The following HSD17B3 variants were observed in gnomAD, a reference collection of about 807,000 sequenced individuals.
HSD17B3 encodes hydroxysteroid 17-beta dehydrogenase 3.
In HSD17B3, 29 loss-of-function variants were observed where a neutral mutation model predicts 41.1. The observed-to-expected ratio is 0.71, with a 90% confidence interval of 0.53 to 0.96. The LOEUF (loss-of-function observed/expected upper bound fraction) is 0.96. Among genes scored for constraint, HSD17B3 ranks in the 40% least tolerant of loss-of-function variants. The probability of loss-of-function intolerance (pLI) is 0.00; values close to 1 mark genes in which losing one functional copy is unlikely to be tolerated. For synonymous variants in HSD17B3, 126 were observed against 145.6 expected (o/e 0.87, Z 0.97); for missense variants, 323 against 374.6 (o/e 0.86, Z 1.14).
At chr9:96,267,123 C>G (rs1826068897) in intron 2 of HSD17B3, among the ~76,000 whole-genome samples, 2 of 151,456 alleles carry the variant, frequency 1.3e-5, no homozygotes, top group Non-Finnish European at 2.9e-5. Flanking sequence ...CGGGAAAGAG[C>G]AACTTAGTGG....
At chr9:96,298,807 T>A (rs941249217) in intron 1 of HSD17B3, among the ~76,000 whole-genome samples, 8 of 152,148 alleles carry the variant, frequency 5.3e-5, no homozygotes, top group Admixed American at 6.6e-5. Flanking sequence ...ATGCAGATAT[T>A]GTGAGCCTTC....
chr9:96,270,247 T>TAC (rs35263931), intron 2 of HSD17B3, among the ~76,000 whole-genome samples: 62,223 of 146,768 alleles, frequency 0.42, 13,071 homozygotes, highest in African/African-American at 0.48. Context: ...CCCAAACACA[T>TAC]ACACACACAC....
intron 2 of HSD17B3, among the ~76,000 whole-genome samples, chr9:96,281,513 T>C (rs534950244): frequency 5.5e-4 from 84 of 152,164 alleles, no homozygotes; most frequent in African/African-American, 2.0e-3. Flanking sequence ...AGGGTTAGAG[T>C]CCCTTCTAAT....
At chr9:96,257,102 G>A (rs1382034707) in intron 2 of HSD17B3, among the ~76,000 whole-genome samples, 1 of 152,070 alleles carries the variant, frequency 6.6e-6, no homozygotes, top group African/African-American at 2.4e-5. Flanking sequence ...CTCCGAAGCC[G>A]AGCAAATGCC....
At chr9:96,250,275 A>T in intron 5 of HSD17B3, 2 of 1,091,456 alleles carry the variant, frequency 1.8e-6, no homozygotes, top group Non-Finnish European at 2.2e-6. Flanking sequence ...AAACACAGAC[A>T]CACACAGGCA....
chr9:96,284,697 G>A (rs1389109683), intron 2 of HSD17B3, among the ~76,000 whole-genome samples: 1 of 152,132 alleles, frequency 6.6e-6, no homozygotes, highest in East Asian at 1.9e-4. Context: ...AACAGGTCCA[G>A]AAGCCCCAAG....
intron 9 of HSD17B3, 76 bp downstream of exon 9, chr9:96,244,253 A>G: frequency 1.4e-6 from 2 of 1,430,966 alleles, no homozygotes; most frequent in Non-Finnish European, 2.0e-6. Context: ...GGAGGTCCAG[A>G]GTAACCCTTC....
rs1441265884 is a variant in HSD17B3, at chr9:96,240,880, C to T, written c.700G>A (p.Ala234Thr). 6.2e-7 allele frequency: 1 copy of T among 1,614,060 alleles called. No individual in the cohort carries two copies. Among genetic ancestry groups the T allele is most frequent in the Admixed American group, 1.7e-5 (1 of 60,006 alleles). Residue 234 changes from alanine to threonine, a missense_variant, in exon 10 of 11, where the codon GCA becomes ACA. By Grantham distance (58) the Ala-to-Thr change is moderately conservative (BLOSUM62 0). Transcript: ENST00000375263. The stretch of plus-strand genomic sequence containing the variant: ...TTTGTATTTAGATACTTTGTCATTG[C>T]AGTCGAGACAGCATATGGGGTCAGC... ...QVLTPYAVSTAMTKYLNTNVI... is the reference protein window; with the variant it reads ...QVLTPYAVSTTMTKYLNTNVI...
intron 2 of HSD17B3, among the ~76,000 whole-genome samples, chr9:96,259,601 GCCCCA>G (rs1278908668): frequency 6.6e-6 from 1 of 152,024 alleles, no homozygotes; most frequent in Non-Finnish European, 1.5e-5. Context: ...CATGCCTGTA[GCCCCA>G]GCTACTCAGG....
At chr9:96,257,796 G>A (rs1480467123) in intron 2 of HSD17B3, among the ~76,000 whole-genome samples, 5 of 152,174 alleles carry the variant, frequency 3.3e-5, no homozygotes, top group Non-Finnish European at 7.4e-5. Flanking sequence ...ATAGGATTAT[G>A]TGGGACTACA....
rs541993169 is a variant in HSD17B3, at chr9:96,282,025, A to G, written c.201+16391T>C. 1.8e-4 allele frequency among the ~76,000 whole-genome samples: 27 copies of G among 152,210 alleles called. No individual in the cohort carries two copies. In the South Asian group the frequency reaches 5.6e-3, roughly 32 times the overall value. On this transcript the variant is annotated intron_variant, in intron 2 of 10. Transcript: ENST00000375263. ...TTTGGTGTGCTTTGTGTGTCTTTCT[A>G]TATTGTTCTGCCACAAAGAGGGGTA...
intron 2 of HSD17B3, among the ~76,000 whole-genome samples, chr9:96,280,429 A>G (rs565835669): frequency 6.6e-6 from 1 of 152,346 alleles, no homozygotes; most frequent in African/African-American, 2.4e-5. Flanking sequence ...AATGAAGGTC[A>G]AGTTAGCTGA....
At position 96,301,937 on chromosome 9, in the gene HSD17B3, G is replaced by A. The variant is rs201767176; in HGVS notation, c.154+14C>T. 2 of 1,613,384 alleles carry A rather than the reference G, an allele frequency of 1.2e-6. No homozygotes were observed. Among genetic ancestry groups the A allele is most frequent in the Non-Finnish European group, 8.5e-7 (1 of 1,179,512 alleles). On this transcript the variant is annotated intron_variant, in intron 1 of 10. Coordinates refer to ENST00000375263, the MANE Select transcript of HSD17B3 (RefSeq NM_000197.2). ...AACAGCAGCAAAAAAACATGAGATGGAACACTCCCTTACCTGCCCACTGTC... is the reference window on the plus strand; with the variant it reads ...AACAGCAGCAAAAAAACATGAGATGAAACACTCCCTTACCTGCCCACTGTC...
chr9:96,292,908 G>T (rs1827207401), intron 2 of HSD17B3, among the ~76,000 whole-genome samples: 1 of 152,202 alleles, frequency 6.6e-6, no homozygotes, highest in African/African-American at 2.4e-5. Context: ...GAAAGAAAAG[G>T]ACTGTCAACT....
chr9:96,272,405 C>CTATATATATATATA (rs1199705437), intron 2 of HSD17B3, among the ~76,000 whole-genome samples: 1 of 21,536 alleles, frequency 4.6e-5, no homozygotes, highest in Non-Finnish European at 8.8e-5. Flanking sequence ...CTCTCTCTCT[C>CTATATATATATATA]TATATATATA....
At chr9:96,281,346 G>A (rs1441568863) in intron 2 of HSD17B3, among the ~76,000 whole-genome samples, 3 of 152,078 alleles carry the variant, frequency 2.0e-5, no homozygotes, top group Non-Finnish European at 4.4e-5. Flanking sequence ...GATGGCTTTG[G>A]GTAAGTGGGG....
At chr9:96,242,152 A>T (rs575681524) in intron 9 of HSD17B3, among the ~76,000 whole-genome samples, 1 of 152,164 alleles carries the variant, frequency 6.6e-6, no homozygotes, top group Non-Finnish European at 1.5e-5. Flanking sequence ...GCAGGTTCCT[A>T]TGGAAATTAA....
chr9:96,246,815 C>A (rs190281436), intron 6 of HSD17B3, among the ~76,000 whole-genome samples: 18 of 152,270 alleles, frequency 1.2e-4, no homozygotes, highest in Non-Finnish European at 2.2e-4. Context: ...GCTCTGGGGC[C>A]TCTGATTTCT....
chr9:96,255,494 A>G (rs1324069739), intron 2 of HSD17B3, among the ~76,000 whole-genome samples: 1 of 146,176 alleles, frequency 6.8e-6, no homozygotes, highest in Non-Finnish European at 1.5e-5. Flanking sequence ...GGTTCAAGCA[A>G]TTCTCCTGCC....
Sources: gnomAD v4.1 joint callset for allele counts (sites outside exome capture counted in the v4.1 genomes callset) on GRCh38, gnomAD v4.1.1 for gene constraint, MANE v1.5 for transcripts, NCBI Gene and HGNC (gene_info 2026-07-23, HGNC 2026-07-21) for gene names.